Variants in FBXL17 observed in about 807,000 individuals in gnomAD.
FBXL17 encodes the protein F-box and leucine rich repeat protein 17, also known as F-box/LRR-repeat protein 17.
In FBXL17, 22 loss-of-function variants were observed where a neutral mutation model predicts 66.2. The observed-to-expected ratio is 0.33, with a 90% CI of 0.24 to 0.47. The LOEUF is 0.47. Among genes scored for constraint, FBXL17 ranks in the 20% least tolerant of loss-of-function variants. The pLI is 1.00. For missense variants in FBXL17, 878 were observed against 948.2 expected, an observed-to-expected ratio of 0.93 and a Z score of 0.97; for synonymous variants, 474 against 400.5, an observed-to-expected ratio of 1.18 and a Z score of -2.19.
At chr5:108,087,380 C>G (rs959170780) in intron 6 of FBXL17, among the ~76,000 whole-genome samples, 3 of 152,118 alleles carry the variant, frequency 2.0e-5, no homozygotes, top group Non-Finnish European at 2.9e-5. Context: ...CTATTCCGAA[C>G]AGCAGCCTGC....
At chr5:108,236,230 G>C (rs1233924112) in intron 4 of FBXL17, among the ~76,000 whole-genome samples, 1 of 149,772 alleles carries the variant, frequency 6.7e-6, no homozygotes, top group Non-Finnish European at 1.5e-5. Context: ...CAAGCAAACA[G>C]GCCAGGCAGG....
chr5:108,204,588 T>C (rs1754034728), intron 5 of FBXL17, among the ~76,000 whole-genome samples: 1 of 152,208 alleles, frequency 6.6e-6, no homozygotes, highest in African/African-American at 2.4e-5. Flanking sequence ...AGTTACAGCA[T>C]TTCTAAGGCT....
At chr5:108,056,344 T>C (rs1175326866) in intron 6 of FBXL17, among the ~76,000 whole-genome samples, 2 of 152,202 alleles carry the variant, frequency 1.3e-5, no homozygotes, top group African/African-American at 4.8e-5. Flanking sequence ...GCAGTGAAAG[T>C]AAGTCTTTGA....
chr5:107,879,169 T>G, intron 8 of FBXL17: 1 of 985,314 alleles, frequency 1.0e-6, no homozygotes. Context: ...AAGATGGAGC[T>G]GATCTTAACC....
At chr5:108,139,404 T>C (rs1301967456) in intron 6 of FBXL17, among the ~76,000 whole-genome samples, 1 of 152,194 alleles carries the variant, frequency 6.6e-6, no homozygotes, top group Non-Finnish European at 1.5e-5. Context: ...TCACAGCACC[T>C]CCAGTTTCAG....
intron 7 of FBXL17, among the ~76,000 whole-genome samples, chr5:107,963,248 T>C (rs1045965506): frequency 3.3e-5 from 5 of 152,088 alleles, no homozygotes; most frequent in African/African-American, 1.2e-4. Flanking sequence ...CACCCATACA[T>C]TGAGGGCCTA....
chr5:107,962,193 T>C (rs1409206978), intron 7 of FBXL17, among the ~76,000 whole-genome samples: 1 of 152,198 alleles, frequency 6.6e-6, no homozygotes, highest in Non-Finnish European at 1.5e-5. Context: ...TCAATGCCAC[T>C]GAACCGTACG....
intron 5 of FBXL17, among the ~76,000 whole-genome samples, chr5:108,207,802 T>C (rs1380038833): frequency 6.6e-6 from 1 of 152,202 alleles, no homozygotes; most frequent in African/African-American, 2.4e-5. Context: ...TGTGTCTTTA[T>C]AGTAGAATGA....
chr5:107,937,225 A>C, intron 7 of FBXL17, among the ~76,000 whole-genome samples: 1 of 152,162 alleles, frequency 6.6e-6, no homozygotes, highest in East Asian at 1.9e-4. Flanking sequence ...AACATCCAAT[A>C]ATCATCTGAG....
intron 4 of FBXL17, among the ~76,000 whole-genome samples, chr5:108,332,115 T>C (rs780488727): frequency 6.6e-6 from 1 of 152,076 alleles, no homozygotes; most frequent in Non-Finnish European, 1.5e-5. Flanking sequence ...AACATAAAAT[T>C]CAGGATAGCA....
intron 3 of FBXL17, among the ~76,000 whole-genome samples, chr5:108,353,979 A>C (rs571584768): frequency 2.2e-3 from 332 of 152,320 alleles, no homozygotes; most frequent in African/African-American, 7.8e-3. Flanking sequence ...GATTTTTTTC[A>C]GATTTTTGAA....
intron 6 of FBXL17, among the ~76,000 whole-genome samples, chr5:108,150,074 C>T (rs1474913295): frequency 6.6e-6 from 1 of 152,190 alleles, no homozygotes; most frequent in Non-Finnish European, 1.5e-5. Context: ...TGCTCTCTCT[C>T]ATCATACATT....
intron 4 of FBXL17, among the ~76,000 whole-genome samples, chr5:108,306,435 C>G (rs1179356097): frequency 6.6e-6 from 1 of 152,006 alleles, no homozygotes; most frequent in East Asian, 1.9e-4. Context: ...GCCATACTAC[C>G]CGGTTTCTAA....
In FBXL17 at chr5:108,304,520, CAAAT is replaced by C. The variant is rs561195572; in HGVS notation, c.1506+43875_1506+43878del. Among the ~76,000 whole-genome samples the C allele has an allele frequency of 2.6e-4, 40 of 151,844 alleles. No individual in the cohort carries two copies. The South Asian group carries it at 6.6e-3, about 25-fold the overall frequency. ...AATGAAACTAAGATTAGTAAAAAAA[CAAAT>C]AGATACACCTATCTGCTTTAATTTT... On this transcript the variant is annotated intron_variant, in intron 4 of 8. Coordinates refer to ENST00000542267, the MANE Select transcript of FBXL17 (RefSeq NM_001163315.3).
At chr5:108,134,954 C>A (rs891224870) in intron 6 of FBXL17, among the ~76,000 whole-genome samples, 3 of 152,096 alleles carry the variant, frequency 2.0e-5, no homozygotes, top group African/African-American at 7.2e-5. Flanking sequence ...ATGATGACAT[C>A]TTCTAAATAT....
At chr5:108,064,865 G>A (rs1748057709) in intron 6 of FBXL17, among the ~76,000 whole-genome samples, 1 of 151,684 alleles carries the variant, frequency 6.6e-6, no homozygotes, top group Non-Finnish European at 1.5e-5. Context: ...CATCTGGGAC[G>A]GCCTTCCTGC....
At chr5:107,923,329 C>A (rs1750385769) in intron 7 of FBXL17, among the ~76,000 whole-genome samples, 1 of 152,132 alleles carries the variant, frequency 6.6e-6, no homozygotes, top group Admixed American at 6.5e-5. Context: ...CCTCTGGTGG[C>A]CTGTTATGGC....
In FBXL17 at chr5:108,381,812, A is replaced by ACACACACGCACACACGGG. The variant is rs1210335300; in HGVS notation, c.-139_-122dup. 47 of 1,335,128 alleles carry ACACACACGCACACACGGG rather than the reference A, an allele frequency of 3.5e-5. No individual in the cohort carries two copies. The highest frequency in any genetic ancestry group is 4.4e-5 in the Non-Finnish European group (46 of 1,046,008). 82.7% of individuals were successfully genotyped at this position (1,335,128 alleles called of 1,614,324 possible). A position where few individuals can be genotyped will look rare whatever the true frequency, so the allele number is the denominator to read the frequency against. On this transcript the variant is annotated 5_prime_UTR_variant, in exon 1 of 9. Coordinates refer to ENST00000542267, the MANE Select transcript of FBXL17 (RefSeq NM_001163315.3). Reference sequence around the variant, plus strand: ...CCCGGAGGGGTCGCCCTTCCTGCGCACACACACGCACACACGGGCACACAC... The same window carrying ACACACACGCACACACGGG: ...CCCGGAGGGGTCGCCCTTCCTGCGCACACACACGCACACACGGGCACACACGCACACACGGGCACACAC...
intron 8 of FBXL17, among the ~76,000 whole-genome samples, 199 bp from the exon 9 acceptor site, chr5:107,862,059 C>A (rs1337009040): frequency 6.6e-6 from 1 of 152,098 alleles, no homozygotes; most frequent in East Asian, 1.9e-4. Context: ...AGTAACACAC[C>A]TGCCCTTAGG....
Sources: allele counts gnomAD v4.1 joint callset (sites outside exome capture counted in the v4.1 genomes callset), GRCh38; gene constraint gnomAD v4.1.1; transcripts MANE v1.5; gene names NCBI Gene and HGNC (gene_info 2026-07-23, HGNC 2026-07-21).